DKC1: variants seen among roughly 807,000 people sequenced by gnomAD.
DKC1 encodes H/ACA ribonucleoprotein complex subunit DKC1.
Under a neutral mutation model 46.7 loss-of-function variants are expected in DKC1, and 4 were observed. That is an observed-to-expected ratio of 0.09 (90% CI 0.04 to 0.20). The LOEUF (loss-of-function observed/expected upper bound fraction) is 0.20, where lower values mean the gene tolerates loss of function less well. Among genes scored for constraint, DKC1 ranks in the 10% least tolerant of loss-of-function variants. The pLI is 1.00. For missense variants in DKC1, 171 were observed against 404.2 expected (o/e 0.42, Z 4.95); for synonymous variants, 141 against 142.4 (o/e 0.99, Z 0.07).
chrX:154,772,556 C>T (rs182865106), intron 10 of DKC1, among the ~76,000 whole-genome samples: 2 of 112,464 alleles, frequency 1.8e-5, no homozygotes, highest in Admixed American at 1.9e-4. Context: ...CTTAGGATAG[C>T]TTTGGCTATT....
intron 9 of DKC1, among the ~76,000 whole-genome samples, chrX:154,770,248 T>C (rs1376952021): frequency 1.8e-5 from 2 of 109,816 alleles, no homozygotes; most frequent in Non-Finnish European, 3.8e-5. Flanking sequence ...CCAGGCAAAT[T>C]GCTTGAGCTC....
chrX:154,772,186 T>G (rs781870775), intron 10 of DKC1, among the ~76,000 whole-genome samples: 4 of 112,739 alleles, frequency 3.5e-5, no homozygotes, highest in African/African-American at 1.3e-4. Context: ...CTTTTGCCTG[T>G]TTTTTGATCA....
intron 7 of DKC1, among the ~76,000 whole-genome samples, chrX:154,767,843 CTTTTTTTT>C (rs35184460): frequency 4.6e-5 from 3 of 65,175 alleles, no homozygotes; most frequent in Admixed American, 4.0e-4. Flanking sequence ...AATTACAGAT[CTTTTTTTT>C]TTTTTTTTTT....
In DKC1 at chrX:154,762,960, G is replaced by C; in HGVS notation, c.-6G>C. The C allele has an allele frequency of 1.7e-6, 2 of 1,184,023 alleles. No homozygotes were observed. The highest frequency in any genetic ancestry group is 3.7e-5 in the South Asian group (2 of 53,726). On this transcript the variant is annotated 5_prime_UTR_variant, in exon 1 of 15. Coordinates refer to ENST00000369550, the MANE Select transcript of DKC1 (RefSeq NM_001363.5). Reference sequence around the variant, plus strand: ...ACCGGGCGGCACGCACGCGGTGCAGGGTAACATGGCGGATGCGGAAGGTAA... The same window carrying C: ...ACCGGGCGGCACGCACGCGGTGCAGCGTAACATGGCGGATGCGGAAGGTAA...
chrX:154,767,187 C>A (rs782735351), intron 6 of DKC1, 69 bp from the exon 7 acceptor site: 31 of 1,203,699 alleles, frequency 2.6e-5, no homozygotes, highest in Non-Finnish European at 3.4e-5. Context: ...CTGCTGCAGC[C>A]AGCCTGGACC....
rs1557264291 is a variant in DKC1, at chrX:154,767,273, A to G, written c.531A>G (p.Thr177=). The change falls in exon 7 of 15, where the codon ACA becomes ACG. Residue 177 remains threonine, a synonymous_variant. Coordinates refer to ENST00000369550, the MANE Select transcript of DKC1 (RefSeq NM_001363.5). ...TQLSRALETL[T]GALFQRPPLI... ...GTTCTTAGGCCCTAGAAACTCTGACAGGTGCCTTATTCCAGCGACCCCCAC... is the reference window on the plus strand; with the variant it reads ...GTTCTTAGGCCCTAGAAACTCTGACGGGTGCCTTATTCCAGCGACCCCCAC... 8.3e-7 allele frequency: 1 copy of G among 1,210,100 alleles called. No individual in the cohort carries two copies. The highest frequency in any genetic ancestry group is 1.1e-6 in the Non-Finnish European group (1 of 895,199).
At chrX:154,771,760 G>A (rs2071829526) in intron 10 of DKC1, among the ~76,000 whole-genome samples, 1 of 111,850 alleles carries the variant, frequency 8.9e-6, no homozygotes, top group Non-Finnish European at 1.9e-5. Context: ...TCGTGTATAT[G>A]TACCACATTT....
In DKC1 at chrX:154,762,882, C is replaced by T; in HGVS notation, c.-84C>T. 8 of 1,112,942 alleles carry T rather than the reference C, an allele frequency of 7.2e-6. No individual in the cohort carries two copies. The highest frequency in any genetic ancestry group is 8.5e-6 in the Non-Finnish European group (7 of 823,216). 91.7% of individuals were successfully genotyped at this position (1,112,942 alleles called of 1,213,427 possible). A position where few individuals can be genotyped will look rare whatever the true frequency, so the allele number is the denominator to read the frequency against. ...CGCGGGTGGGTGGGTCCTAGCAGCG[C>T]GGCCTGACGGGACCAAGGCGGCGGG... On this transcript the variant is annotated 5_prime_UTR_variant, in exon 1 of 15. Coordinates refer to ENST00000369550, the MANE Select transcript of DKC1 (RefSeq NM_001363.5).
At chrX:154,774,857 T>G in intron 12 of DKC1, 152 bp downstream of exon 12, 1 of 591,496 alleles carries the variant, frequency 1.7e-6, no homozygotes, top group South Asian at 2.3e-5. Flanking sequence ...GAGGAACAGG[T>G]GAGCATGGAG....
chrX:154,777,330 CTG>C lies in DKC1; in HGVS notation c.*464_*465del, dbSNP rs1311728650. ...AATTTTGTCTCTGAATTCAGTATAA[CTG>C]AGTTTTGTCCATGCTGGTGTCTGGG... On this transcript the variant is annotated 3_prime_UTR_variant, in exon 15 of 15. Coordinates refer to ENST00000369550, the MANE Select transcript of DKC1 (RefSeq NM_001363.5). 2.7e-5 allele frequency: 4 copies of C among 149,447 alleles called. No homozygotes were observed. The highest frequency in any genetic ancestry group is 1.3e-4 in the African/African-American group (4 of 31,509). The allele number at this position is 149,447 out of a possible 1,213,427, so 12.3% of individuals were successfully genotyped here. A position where few individuals can be genotyped will look rare whatever the true frequency, so the allele number is the denominator to read the frequency against.
chrX:154,763,492 G>A (rs987731080), intron 1 of DKC1, among the ~76,000 whole-genome samples: 4 of 112,392 alleles, frequency 3.6e-5, no homozygotes, highest in Non-Finnish European at 5.6e-5. Context: ...CCCTGCGTGA[G>A]CGCTTCTGTG....
chrX:154,768,677 A>C, intron 8 of DKC1: 1 of 471,227 alleles, frequency 2.1e-6, no homozygotes, highest in East Asian at 3.9e-5. Flanking sequence ...CTTGGGGTCT[A>C]ATACTTCAAC....
Position 154,774,899 on chromosome X carries a change from G to C in DKC1, c.1259+194G>C, listed in dbSNP as rs367975493. 35 of 568,924 alleles carry C rather than the reference G, an allele frequency of 6.2e-5. 1 individual carries two copies. The highest frequency in any genetic ancestry group is 4.5e-4 in the Admixed American group (20 of 44,591). 46.9% of individuals were successfully genotyped at this position (568,924 alleles called of 1,213,427 possible). Reference sequence around the variant, plus strand: ...GAGCCCAGGGGAGGGGGAGTCACTTGGTTTGGGGCAAACTTGCTAAATGCA... The same window carrying C: ...GAGCCCAGGGGAGGGGGAGTCACTTCGTTTGGGGCAAACTTGCTAAATGCA... On this transcript the variant is annotated intron_variant, in intron 12 of 14. Transcript: ENST00000369550.
intron 10 of DKC1, among the ~76,000 whole-genome samples, chrX:154,772,427 T>C (rs2071836540): frequency 8.9e-6 from 1 of 112,479 alleles, no homozygotes; most frequent in Non-Finnish European, 1.9e-5. Flanking sequence ...GGGTTCCTTA[T>C]TCTGTTCCAT....
rs1603429732 is a variant in DKC1 at position 154,777,018 on chromosome X, T to C, written c.*151T>C. On this transcript the variant is annotated 3_prime_UTR_variant, in exon 15 of 15. Coordinates refer to ENST00000369550, the MANE Select transcript of DKC1 (RefSeq NM_001363.5). ...CTGCTACTTTGAGACCTCGGTGATG[T>C]TACCTGGTGTGGTCATCCCATCTTG... is the stretch of plus-strand genomic sequence containing the variant. 12 of 438,064 alleles carry C rather than the reference T, an allele frequency of 2.7e-5. No individual in the cohort carries two copies. The East Asian group carries it at 5.3e-4, about 19-fold the overall frequency. 36.1% of individuals were successfully genotyped at this position (438,064 alleles called of 1,213,427 possible). A position where few individuals can be genotyped will look rare whatever the true frequency, so the allele number is the denominator to read the frequency against.
intron 13 of DKC1, among the ~76,000 whole-genome samples, chrX:154,775,581 T>C (rs970618170): frequency 8.9e-6 from 1 of 112,250 alleles, no homozygotes; most frequent in Non-Finnish European, 1.9e-5. Flanking sequence ...GGTGTGTGTG[T>C]CAATTCTGGC....
chrX:154,768,993 C>CAAAAA (rs1158256142), intron 8 of DKC1, among the ~76,000 whole-genome samples, 174 bp from the exon 9 acceptor site: 5 of 16,336 alleles, frequency 3.1e-4, no homozygotes, highest in South Asian at 3.6e-3. Flanking sequence ...GACTCCGTCT[C>CAAAAA]AAAAAAAAAA....
At chrX:154,765,299 TTC>T (rs1397760652) in intron 2 of DKC1, 143 bp from the exon 3 acceptor site, 35 of 578,235 alleles carry the variant, frequency 6.1e-5, no homozygotes, top group Middle Eastern at 3.7e-4. Flanking sequence ...GGTTCATTTC[TTC>T]TCTCTCTTTC....
rs1478792990 is a variant in DKC1 at position 154,777,077 on chromosome X, A to G, written c.*210A>G. 2 of 350,495 alleles carry G rather than the reference A, an allele frequency of 5.7e-6. No individual in the cohort carries two copies. The highest frequency in any genetic ancestry group is 9.1e-5 in the Admixed American group (2 of 22,031). The allele number at this position is 350,495 out of a possible 1,213,427, so 28.9% of individuals were successfully genotyped here. ...TAAGGATATGGGTGGTGAAAGATGAAAGAGGCAGAGTTTATCCCAATGACT... is the reference window on the plus strand; with the variant it reads ...TAAGGATATGGGTGGTGAAAGATGAGAGAGGCAGAGTTTATCCCAATGACT... On this transcript the variant is annotated 3_prime_UTR_variant, in exon 15 of 15. Coordinates refer to ENST00000369550, the MANE Select transcript of DKC1 (RefSeq NM_001363.5).
Sources: allele counts gnomAD v4.1 joint callset (sites outside exome capture counted in the v4.1 genomes callset), GRCh38; gene constraint gnomAD v4.1.1; transcripts MANE v1.5; gene names NCBI Gene and HGNC (gene_info 2026-07-23, HGNC 2026-07-21).